The following OPTC variants were observed in gnomAD, a reference collection of about 807,000 sequenced individuals.
OPTC encodes opticin, also known as oculoglycan.
Under a neutral mutation model 25.4 loss-of-function variants are expected in OPTC, and 22 were observed. The observed-to-expected ratio is 0.87, with a 90% CI of 0.62 to 1.24. The LOEUF (loss-of-function observed/expected upper bound fraction) is 1.24. Among genes scored for constraint, OPTC ranks in the 50% most tolerant of loss-of-function variants. The pLI is 0.00. For synonymous variants in OPTC, 169 were observed against 179.3 expected (o/e 0.94, Z 0.46); for missense variants, 417 against 425.2 (o/e 0.98, Z 0.17).
rs1435395829 is a variant in OPTC, at chr1:203,502,933, TC to T, written c.754del (p.Leu252PhefsTer17). Reference protein sequence around the residue: ...AAFRAMEKLQFLYLSDNLLDS... With the variant: ...AAFRAMEKLQXLYLSDNLLDS... Reference sequence around the variant, plus strand: ...CCACAGGCAATGGAGAAGCTGCAGTTCCTTTACCTGTCAGACAACCTGCTGG... The same window carrying T: ...CCACAGGCAATGGAGAAGCTGCAGTTCTTTACCTGTCAGACAACCTGCTGG... On this transcript the variant is annotated frameshift_variant, in exon 6 of 8. Transcript: ENST00000367222. LOFTEE classifies it high-confidence loss of function. 6.2e-7 allele frequency: 1 copy of T among 1,613,954 alleles called. No homozygotes were observed. Among genetic ancestry groups the T allele is most frequent in the Non-Finnish European group, 8.5e-7 (1 of 1,180,016 alleles).
At chr1:203,500,682 T>C (rs935776522) in intron 5 of OPTC, among the ~76,000 whole-genome samples, 1 of 152,194 alleles carries the variant, frequency 6.6e-6, no homozygotes, top group African/African-American at 2.4e-5. Flanking sequence ...TGGCTGAGCA[T>C]CCCTAACCTG....
At chr1:203,498,267 T>C (rs1178250696) in intron 3 of OPTC, among the ~76,000 whole-genome samples, 1 of 152,202 alleles carries the variant, frequency 6.6e-6, no homozygotes, top group Non-Finnish European at 1.5e-5. Context: ...AGAACATGTC[T>C]AATTTCTCTT....
intron 3 of OPTC, among the ~76,000 whole-genome samples, chr1:203,498,064 C>A (rs984583042): frequency 2.6e-5 from 4 of 152,198 alleles, no homozygotes; most frequent in Non-Finnish European, 5.9e-5. Context: ...CCAATAAAGT[C>A]TCCCCAACTA....
In OPTC at chr1:203,502,968, C is replaced by A; in HGVS notation, c.787C>A (p.Pro263Thr). 1.2e-6 allele frequency: 2 copies of A among 1,613,962 alleles called. No individual in the cohort carries two copies. The highest frequency in any genetic ancestry group is 1.7e-6 in the Non-Finnish European group (2 of 1,180,040). ...GTCAGACAACCTGCTGGATTCTATC[C>A]CGGGGCCTTTGCCCCTGAGCCTGCG... ...YLSDNLLDSI[P>T]GPLPLSLRSV... The change falls in exon 6 of 8, where the codon CCG becomes ACG. Residue 263 changes from proline to threonine, a missense_variant. Transcript: ENST00000367222.
At chr1:203,499,568 G>A in intron 4 of OPTC, 81 bp from the exon 5 acceptor site, 1 of 1,135,050 alleles carries the variant, frequency 8.8e-7, no homozygotes, top group Non-Finnish European at 1.3e-6. Flanking sequence ...GATGGAGCAA[G>A]GTGTGGAGAC....
At chr1:203,499,987 C>T (rs1661351141) in intron 5 of OPTC, 136 bp downstream of exon 5, 1 of 726,132 alleles carries the variant, frequency 1.4e-6, no homozygotes, top group Non-Finnish European at 2.4e-6. Context: ...CCACCATCAC[C>T]CACCTCTACC....
Position 203,499,857 on chromosome 1 carries a change from T to G in OPTC, c.732+6T>G, listed in dbSNP as rs779512195. The stretch of plus-strand genomic sequence containing the variant: ...TACAGCCTGCAGCCTTCAGGGTGAG[T>G]CAAGGCCTTAGATCCACTATCTATC... On this transcript the variant is annotated splice_donor_region_variant and intron_variant, in intron 5 of 7. Transcript: ENST00000367222. 1 of 1,609,318 alleles carries G rather than the reference T, an allele frequency of 6.2e-7. No homozygotes were observed. The highest frequency in any genetic ancestry group is 1.3e-5 in the African/African-American group (1 of 74,606).
intron 7 of OPTC, among the ~76,000 whole-genome samples, chr1:203,505,557 G>A (rs549606964): frequency 2.6e-5 from 4 of 152,294 alleles, no homozygotes; most frequent in East Asian, 1.9e-4. Flanking sequence ...TCCTCACGGC[G>A]GTCCTGTAAA....
intron 5 of OPTC, among the ~76,000 whole-genome samples, chr1:203,502,079 C>T (rs1661399759): frequency 6.6e-6 from 1 of 152,070 alleles, no homozygotes; most frequent in South Asian, 2.1e-4. Flanking sequence ...GACACAGCTG[C>T]TGGAGGGTTA....
rs764379003 is a variant in OPTC, at chr1:203,498,786, A to G, written c.476A>G (p.Tyr159Cys). The change falls in exon 4 of 8, where the codon TAT becomes TGT. Residue 159 changes from tyrosine (Y) to cysteine (C), a missense_variant. Coordinates refer to ENST00000367222, the MANE Select transcript of OPTC (RefSeq NM_014359.4). ...PPLPRRTAYL[Y>C]ARFNRISRIR... ...CTTCCTCGGAGGACTGCCTACCTGTATGCACGCTTCAACCGCATCAGCCGT... is the reference window on the plus strand; with the variant it reads ...CTTCCTCGGAGGACTGCCTACCTGTGTGCACGCTTCAACCGCATCAGCCGT... The G allele has an allele frequency of 5.0e-6, 8 of 1,613,916 alleles. No homozygotes were observed. In the South Asian group the frequency reaches 5.5e-5, roughly 11 times the overall value.
At chr1:203,508,237 CT>C (rs1661528840) in intron 7 of OPTC, among the ~76,000 whole-genome samples, 1 of 152,174 alleles carries the variant, frequency 6.6e-6, no homozygotes, top group African/African-American at 2.4e-5. Flanking sequence ...ATGGGTGCCC[CT>C]ACCACGTCCC....
At chr1:203,504,316 G>A (rs571167358) in intron 7 of OPTC, among the ~76,000 whole-genome samples, 13 of 151,794 alleles carry the variant, frequency 8.6e-5, no homozygotes, top group African/African-American at 2.9e-4. Flanking sequence ...ACTATTAATC[G>A]TGCCCTTGAA....
chr1:203,495,594 G>A (rs967460235), intron 1 of OPTC, among the ~76,000 whole-genome samples: 1 of 152,222 alleles, frequency 6.6e-6, no homozygotes, highest in African/African-American at 2.4e-5. Context: ...GTGACTAGCA[G>A]TCATGTTCTG....
chr1:203,498,572 G>A (rs1182599128), intron 3 of OPTC, 109 bp from the exon 4 acceptor site: 9 of 1,335,340 alleles, frequency 6.7e-6, no homozygotes, highest in African/African-American at 2.9e-5. Context: ...CAACCCATAG[G>A]CTATCAAAAA....
chr1:203,496,430 C>A lies in OPTC; in HGVS notation c.231+194C>A, dbSNP rs569770500. On this transcript the variant is annotated intron_variant, in intron 2 of 7. Transcript: ENST00000367222. ...AACAGGACACAAACCTGGGACTTCT[C>A]CTTCTTCAAAACTCATACTTGCCTC... Among the ~76,000 whole-genome samples, 3 of 152,282 alleles carry A rather than the reference C, an allele frequency of 2.0e-5. No homozygotes were observed. In the East Asian group the frequency reaches 5.8e-4, roughly 29 times the overall value.
At position 203,497,952 on chromosome 1, in the gene OPTC, A is replaced by G. The variant is rs557220160; in HGVS notation, c.371-729A>G. ...TTAATCTGGGGGCTGTGTCACTGCT[A>G]CCAGAGTTATTCCTTGAGTTGAGCT... On this transcript the variant is annotated intron_variant, in intron 3 of 7. Coordinates refer to ENST00000367222, the MANE Select transcript of OPTC (RefSeq NM_014359.4). 6.6e-5 allele frequency among the ~76,000 whole-genome samples: 10 copies of G among 152,288 alleles called. No homozygotes were observed. The East Asian group carries it at 1.9e-3, about 29-fold the overall frequency.
At position 203,496,256 on chromosome 1, in the gene OPTC, A is replaced by T; in HGVS notation, c.231+20A>T. The T allele has an allele frequency of 6.4e-7, 1 of 1,571,286 alleles. No individual in the cohort carries two copies. The highest frequency in any genetic ancestry group is 8.8e-7 in the Non-Finnish European group (1 of 1,141,144). ...CCCGAGGTGAGGGACACAGCAGACCAACTACATTCCCTGCATGACACTGGG... is the reference window on the plus strand; with the variant it reads ...CCCGAGGTGAGGGACACAGCAGACCTACTACATTCCCTGCATGACACTGGG... On this transcript the variant is annotated intron_variant, in intron 2 of 7. Transcript: ENST00000367222.
chr1:203,503,528 AGCTGGTATGT>A lies in OPTC; in HGVS notation c.829-20_829-11del. On this transcript the variant is annotated splice_polypyrimidine_tract_variant and intron_variant, in intron 6 of 7. Transcript: ENST00000367222. ...GGGGCAGAGCCTCTTGGTGAGGCTCAGCTGGTATGTGTTCTTCCCAGAATAACCTGATAGA... is the reference window on the plus strand; with the variant it reads ...GGGGCAGAGCCTCTTGGTGAGGCTCAGTTCTTCCCAGAATAACCTGATAGA... The A allele has an allele frequency of 6.2e-7, 1 of 1,611,558 alleles. No individual in the cohort carries two copies. Among genetic ancestry groups the A allele is most frequent in the South Asian group, 1.1e-5 (1 of 91,064 alleles).
intron 5 of OPTC, among the ~76,000 whole-genome samples, chr1:203,500,654 G>C (rs1296543576): frequency 1.3e-5 from 2 of 152,188 alleles, no homozygotes; most frequent in African/African-American, 2.4e-5. Context: ...GTACTATCAG[G>C]CCTCATGGGC....
Sources: gnomAD v4.1 joint callset for allele counts (sites outside exome capture counted in the v4.1 genomes callset) on GRCh38, gnomAD v4.1.1 for gene constraint, MANE v1.5 for transcripts, NCBI Gene and HGNC (gene_info 2026-07-23, HGNC 2026-07-21) for gene names.